LARP1B: variants seen among roughly 807,000 people sequenced by gnomAD.
The protein encoded by LARP1B is La ribonucleoprotein 1B.
A neutral mutation model predicts 114.2 loss-of-function variants in LARP1B; 76 were observed. The observed-to-expected ratio is 0.67, with a 90% CI of 0.55 to 0.81. The LOEUF is 0.81. Ranked by LOEUF, LARP1B falls within the 30% of genes least tolerant of loss-of-function variation. The probability of loss-of-function intolerance (pLI) is 0.00; values close to 1 mark genes in which losing one functional copy is unlikely to be tolerated. For synonymous variants in LARP1B, 345 were observed against 348.0 expected (o/e 0.99, Z 0.10); for missense variants, 1,014 against 1,075.8 (o/e 0.94, Z 0.80).
chr4:128,194,661 C>A (rs566928782), intron 15 of LARP1B, among the ~76,000 whole-genome samples: 2 of 109,088 alleles, frequency 1.8e-5, no homozygotes, highest in African/African-American at 7.1e-5. Context: ...CCAGCCTGGG[C>A]GACAGAGCAA....
intron 1 of LARP1B, among the ~76,000 whole-genome samples, chr4:128,066,886 C>T (rs562023089): frequency 2.4e-4 from 36 of 151,604 alleles, no homozygotes; most frequent in African/African-American, 8.2e-4. Flanking sequence ...AACCCCCCAC[C>T]TCCCAGGTTC....
chr4:128,131,139 G>A (rs771822181), intron 11 of LARP1B, among the ~76,000 whole-genome samples: 1 of 152,128 alleles, frequency 6.6e-6, no homozygotes, highest in Non-Finnish European at 1.5e-5. Flanking sequence ...CATAGAAAAT[G>A]TACAGGACAA....
chr4:128,090,853 C>G (rs1360024412), intron 5 of LARP1B, 148 bp from the exon 6 acceptor site: 1 of 559,980 alleles, frequency 1.8e-6, no homozygotes, highest in Non-Finnish European at 3.1e-6. Flanking sequence ...CTTATTGGAT[C>G]TCTTCAGTTT....
chr4:128,175,529 A>G (rs1745500924), intron 12 of LARP1B, among the ~76,000 whole-genome samples: 1 of 152,172 alleles, frequency 6.6e-6, no homozygotes, highest in Admixed American at 6.5e-5. Flanking sequence ...TTCTGTGAAG[A>G]ATGTTCTTTC....
At chr4:128,069,018 CT>C in intron 1 of LARP1B, 1 of 854,512 alleles carries the variant, frequency 1.2e-6, no homozygotes, top group Non-Finnish European at 1.8e-6. Flanking sequence ...CTTATATTGG[CT>C]GTAACGGTGG....
At chr4:128,127,757 C>G (rs1421698520) in intron 11 of LARP1B, among the ~76,000 whole-genome samples, 3 of 152,146 alleles carry the variant, frequency 2.0e-5, no homozygotes, top group African/African-American at 7.2e-5. Flanking sequence ...TGCTTGAACC[C>G]CGGGAGGTGG....
chr4:128,071,421 ATT>A (rs778799614), intron 1 of LARP1B, among the ~76,000 whole-genome samples: 3,361 of 108,260 alleles, frequency 0.031, 90 homozygotes, highest in African/African-American at 0.1. Flanking sequence ...TTCTTTCACA[ATT>A]TTTTTTTTTT....
chr4:128,125,291 A>T (rs2150043255), intron 11 of LARP1B, among the ~76,000 whole-genome samples: 1 of 152,124 alleles, frequency 6.6e-6, no homozygotes, highest in African/African-American at 2.4e-5. Flanking sequence ...GGTACCCAAA[A>T]GTGCACCAAG....
chr4:128,199,567 T>A lies in LARP1B; in HGVS notation c.2132T>A (p.Val711Glu). ...LLKENGFTQQ[V>E]YHKYRRRCLS... ...AAGGAAAATGGCTTTACCCAACAAG[T>A]GTACCACAAGTATCGTCGAAGATGC... The change falls in exon 16 of 20, where the codon GTG (valine) becomes GAG (glutamate). Residue 711 changes from valine to glutamate, a missense_variant. Transcript: ENST00000326639. The A allele has an allele frequency of 6.3e-7, 1 of 1,586,536 alleles. No individual in the cohort carries two copies. The highest frequency in any genetic ancestry group is 1.2e-5 in the South Asian group (1 of 84,224).
chr4:128,130,819 A>T (rs562696368), intron 11 of LARP1B, among the ~76,000 whole-genome samples: 27 of 152,348 alleles, frequency 1.8e-4, no homozygotes, highest in Non-Finnish European at 2.9e-4. Flanking sequence ...GCTGTGGTAC[A>T]TTCAGACAAT....
At chr4:128,096,884 G>A (rs1205416945) in intron 7 of LARP1B, among the ~76,000 whole-genome samples, 3 of 151,922 alleles carry the variant, frequency 2.0e-5, no homozygotes, top group Non-Finnish European at 4.4e-5. Context: ...ACAGGCGTGA[G>A]CCACCATGCC....
At chr4:128,084,126 T>C (rs1385783304) in intron 5 of LARP1B, among the ~76,000 whole-genome samples, 1 of 146,756 alleles carries the variant, frequency 6.8e-6, no homozygotes, top group South Asian at 2.2e-4. Context: ...CAGAGACGCT[T>C]CTCACTTTCC....
intron 17 of LARP1B, 118 bp downstream of exon 17, chr4:128,200,783 G>A: frequency 1.6e-6 from 1 of 612,556 alleles, no homozygotes; most frequent in East Asian, 3.1e-5. Context: ...AACTAGTACT[G>A]AAGTAGCCTG....
intron 4 of LARP1B, among the ~76,000 whole-genome samples, chr4:128,080,450 T>C (rs756752577): frequency 7.5e-5 from 11 of 146,868 alleles, no homozygotes; most frequent in Non-Finnish European, 1.0e-4. Context: ...ACATAATTTA[T>C]AGTATAAGAT....
At chr4:128,182,108 G>A (rs1298884207) in intron 15 of LARP1B, among the ~76,000 whole-genome samples, 1 of 137,712 alleles carries the variant, frequency 7.3e-6, no homozygotes, top group African/African-American at 2.6e-5. Flanking sequence ...CACTGCACCC[G>A]GCCTTTTTTT....
In LARP1B at chr4:128,162,269, T is replaced by G. The variant is rs1738851312; in HGVS notation, c.1600T>G (p.Phe534Val). 2 of 1,613,166 alleles carry G rather than the reference T, an allele frequency of 1.2e-6. No individual in the cohort carries two copies. Among genetic ancestry groups the G allele is most frequent in the South Asian group, 2.2e-5 (2 of 91,046 alleles). Reference protein sequence around the residue: ...QFENLTPELPFEPNQEVPVAP... With the variant: ...QFENLTPELPVEPNQEVPVAP... ...TGAAAACCTAACACCTGAACTTCCT[T>G]TTGAGCCAAACCAAGAAGTTCCTGT... The change falls in exon 12 of 20, where the codon TTT becomes GTT. Residue 534 changes from phenylalanine (F) to valine (V), a missense_variant. Physicochemically the swap from Phe to Val is conservative, Grantham distance 50 (BLOSUM62 -1). Coordinates refer to ENST00000326639, the MANE Select transcript of LARP1B (RefSeq NM_018078.4).
Position 128,106,061 on chromosome 4 carries a change from G to A in LARP1B, c.814-1078G>A, listed in dbSNP as rs1781970494. The stretch of plus-strand genomic sequence containing the variant: ...TTTTTTTGAGATGGAATCTTGCTCT[G>A]TCTCCAGGCTGGAGTCCAGTGGCGC... On this transcript the variant is annotated intron_variant, in intron 8 of 19. Coordinates refer to ENST00000326639, the MANE Select transcript of LARP1B (RefSeq NM_018078.4). 2.0e-5 allele frequency among the ~76,000 whole-genome samples: 3 copies of A among 149,718 alleles called. No homozygotes were observed. The South Asian group carries it at 6.3e-4, about 31-fold the overall frequency.
chr4:128,081,449 G>A (rs1770387200), intron 4 of LARP1B, among the ~76,000 whole-genome samples: 1 of 148,848 alleles, frequency 6.7e-6, no homozygotes, highest in Non-Finnish European at 1.5e-5. Flanking sequence ...TTGGTCTGAG[G>A]TAGGCTTATG....
chr4:128,152,743 C>T (rs941510230), intron 11 of LARP1B, among the ~76,000 whole-genome samples: 6 of 151,282 alleles, frequency 4.0e-5, no homozygotes, highest in Non-Finnish European at 2.9e-5. Flanking sequence ...CATTCTTGTC[C>T]TCATTCATTT....
Sources: gnomAD v4.1 joint callset for allele counts (sites outside exome capture counted in the v4.1 genomes callset) on GRCh38, gnomAD v4.1.1 for gene constraint, MANE v1.5 for transcripts, NCBI Gene and HGNC (gene_info 2026-07-23, HGNC 2026-07-21) for gene names.